ALK: variants seen among roughly 807,000 people sequenced by gnomAD.
ALK encodes ALK tyrosine kinase receptor.
In ALK, 74 loss-of-function variants were observed where a neutral mutation model predicts 163.1. The ratio of observed to expected loss-of-function variants is 0.45; its 90% CI spans 0.38 to 0.55. The LOEUF (loss-of-function observed/expected upper bound fraction) is 0.55. Ranked by LOEUF, ALK falls within the 20% of genes least tolerant of loss-of-function variation. ALK has a pLI of 0.00. For synonymous variants in ALK, 960 were observed against 843.2 expected, an observed-to-expected ratio of 1.14 and a Z score of -2.40; for missense variants, 2,063 against 2,105.3, an observed-to-expected ratio of 0.98 and a Z score of 0.39.
chr2:29,369,133 T>C (rs1668580260), intron 5 of ALK, among the ~76,000 whole-genome samples: 1 of 152,208 alleles, frequency 6.6e-6, no homozygotes, highest in Non-Finnish European at 1.5e-5. Flanking sequence ...TGCTGGACCT[T>C]CTTATCTACC....
chr2:29,763,023 G>A (rs1573615416), intron 1 of ALK, among the ~76,000 whole-genome samples: 1 of 150,212 alleles, frequency 6.7e-6, no homozygotes, highest in East Asian at 2.0e-4. Context: ...GGAGGCGGAG[G>A]TTGCAGTGAG....
At chr2:29,284,163 G>A (rs1303244154) in intron 9 of ALK, among the ~76,000 whole-genome samples, 2 of 152,200 alleles carry the variant, frequency 1.3e-5, no homozygotes, top group Non-Finnish European at 2.9e-5. Context: ...ACTAGGCAGT[G>A]GGGTGTGCTG....
At chr2:29,216,964 G>GCA (rs2148162695) in intron 23 of ALK, among the ~76,000 whole-genome samples, 1 of 118,832 alleles carries the variant, frequency 8.4e-6, no homozygotes, top group East Asian at 2.7e-4. Context: ...TGTGTGTGTG[G>GCA]TGTGTGCGTG....
At chr2:29,351,948 AG>A (rs1222399863) in intron 5 of ALK, among the ~76,000 whole-genome samples, 10 of 152,146 alleles carry the variant, frequency 6.6e-5, no homozygotes, top group African/African-American at 2.2e-4. Flanking sequence ...GAACCTTCTC[AG>A]CTCTGGCCAC....
intron 3 of ALK, among the ~76,000 whole-genome samples, chr2:29,609,322 A>G (rs1266205703): frequency 1.3e-5 from 2 of 152,082 alleles, no homozygotes; most frequent in African/African-American, 4.8e-5. Context: ...TGCCCATTCC[A>G]AAGTGTTGCA....
chr2:29,668,776 A>G (rs1677594074), intron 3 of ALK, among the ~76,000 whole-genome samples: 1 of 152,168 alleles, frequency 6.6e-6, no homozygotes, highest in African/African-American at 2.4e-5. Flanking sequence ...TAATTTATAA[A>G]GAAAAAGAGG....
chr2:29,318,660 G>A (rs891179622), intron 7 of ALK, among the ~76,000 whole-genome samples: 20 of 151,254 alleles, frequency 1.3e-4, no homozygotes, highest in Non-Finnish European at 2.9e-4. Context: ...TCCGCCTCCC[G>A]GGTTCATGCC....
In ALK at chr2:29,220,715, G is replaced by A. The variant is rs2148166308; in HGVS notation, c.3636C>T (p.Arg1212=). 3.7e-6 allele frequency: 6 copies of A among 1,613,740 alleles called. No homozygotes were observed. Among genetic ancestry groups the A allele is most frequent in the Non-Finnish European group, 5.1e-6 (6 of 1,179,758 alleles). ...GDLKSFLRET[R]PRPSQPSSLA... ...ACTGGTTCTCACTCACCGGGCGAGG[G>A]CGGGTCTCTCGGAGGAAGGACTTGA... The change falls in exon 23 of 29, where the codon CGC becomes CGT. Residue 1212 remains arginine (R), a synonymous_variant. Coordinates refer to ENST00000389048, the MANE Select transcript of ALK (RefSeq NM_004304.5).
At chr2:29,633,929 C>A (rs746646221) in intron 3 of ALK, among the ~76,000 whole-genome samples, 13 of 152,040 alleles carry the variant, frequency 8.6e-5, no homozygotes, top group Admixed American at 2.6e-4. Context: ...ATTAAAAACT[C>A]CCCCAAAAGA....
At chr2:29,770,848 CA>C (rs1370745476) in intron 1 of ALK, among the ~76,000 whole-genome samples, 2 of 152,052 alleles carry the variant, frequency 1.3e-5, no homozygotes, top group Non-Finnish European at 2.9e-5. Context: ...CACAGACACA[CA>C]GTCACACACA....
chr2:29,448,619 A>G (rs1327170021), intron 4 of ALK, among the ~76,000 whole-genome samples: 6 of 152,204 alleles, frequency 3.9e-5, no homozygotes, highest in African/African-American at 9.6e-5. Flanking sequence ...AGTCAGCCCC[A>G]CTATAAGTCA....
intron 3 of ALK, among the ~76,000 whole-genome samples, chr2:29,686,614 A>G (rs1573555587): frequency 6.6e-6 from 1 of 152,312 alleles, no homozygotes; most frequent in Middle Eastern, 3.4e-3. Context: ...GACCAGAGCC[A>G]GGCCTCTGCT....
At chr2:29,599,621 G>A (rs905575619) in intron 3 of ALK, among the ~76,000 whole-genome samples, 1 of 152,214 alleles carries the variant, frequency 6.6e-6, no homozygotes, top group African/African-American at 2.4e-5. Context: ...TGAACTTGAA[G>A]ACACTTGAGT....
chr2:29,523,161 C>A (rs1042547398), intron 4 of ALK, among the ~76,000 whole-genome samples: 1 of 152,162 alleles, frequency 6.6e-6, no homozygotes, highest in Non-Finnish European at 1.5e-5. Flanking sequence ...CACGTGGCCA[C>A]AGCTCATCAT....
chr2:29,339,728 C>A (rs750982900), intron 5 of ALK, among the ~76,000 whole-genome samples: 1 of 152,016 alleles, frequency 6.6e-6, no homozygotes, highest in African/African-American at 2.4e-5. Flanking sequence ...CGAAGGAGAC[C>A]CTGATAGGAC....
At chr2:29,346,649 T>C (rs1667957705) in intron 5 of ALK, among the ~76,000 whole-genome samples, 1 of 152,230 alleles carries the variant, frequency 6.6e-6, no homozygotes, top group African/African-American at 2.4e-5. Flanking sequence ...ATCAACTAAA[T>C]ACCGATATGT....
chr2:29,400,915 C>T (rs552220867), intron 4 of ALK, among the ~76,000 whole-genome samples: 194 of 151,618 alleles, frequency 1.3e-3, no homozygotes, highest in Middle Eastern at 6.8e-3. Context: ...GCAGAGGTTG[C>T]GGTGAGCCGA....
chr2:29,328,525 C>T (rs2148258529), intron 5 of ALK, 44 bp from the exon 6 acceptor site: 5 of 1,613,640 alleles, frequency 3.1e-6, no homozygotes, highest in Non-Finnish European at 4.2e-6. Flanking sequence ...TTTGCATGGC[C>T]CCAGGCAGCA....
chr2:29,534,525 G>A (rs1673203383), intron 3 of ALK, among the ~76,000 whole-genome samples: 1 of 152,154 alleles, frequency 6.6e-6, no homozygotes, highest in African/African-American at 2.4e-5. Flanking sequence ...ACATAAGGGA[G>A]CAGCAGCAAC....
Sources: gnomAD v4.1 joint callset for allele counts (sites outside exome capture counted in the v4.1 genomes callset) on GRCh38, gnomAD v4.1.1 for gene constraint, MANE v1.5 for transcripts, NCBI Gene and HGNC (gene_info 2026-07-23, HGNC 2026-07-21) for gene names.